Variants in STS observed in about 807,000 individuals in gnomAD.
STS encodes steroid sulfatase, also known as steryl-sulfatase.
A neutral mutation model predicts 26.8 loss-of-function variants in STS; 7 were observed. That is an observed-to-expected ratio of 0.26 (90% CI 0.15 to 0.49). STS has a LOEUF of 0.49. STS is among the 20% of genes least tolerant of loss of function. STS has a pLI of 0.98. For missense variants in STS, 434 were observed against 465.6 expected (o/e 0.93, Z 0.63); for synonymous variants, 199 against 189.4 (o/e 1.05, Z -0.42).
rs1385021843 is a variant in STS, at chrX:7,279,313, GTGTGTGTGTGTGTGTGTGTGTGTGTA to G, written c.943+3246_943+3271del. On this transcript the variant is annotated intron_variant, in intron 7 of 10. Coordinates refer to ENST00000674429, the MANE Select transcript of STS (RefSeq NM_001320752.2). Reference sequence around the variant, plus strand: ...AAAAAATATATATATATATATATATGTGTGTGTGTGTGTGTGTGTGTGTGTATGTGTGTGTGTGTGTGTGTATATGT... The same window carrying G: ...AAAAAATATATATATATATATATATGTGTGTGTGTGTGTGTGTGTATATGT... Among the ~76,000 whole-genome samples the G allele has an allele frequency of 1.5e-4, 5 of 34,400 alleles. No homozygotes were observed. In the East Asian group the frequency reaches 3.3e-3, roughly 23 times the overall value. The allele number at this position is 34,400 out of a possible 115,157, so 29.9% of individuals were successfully genotyped here.
At chrX:7,232,833 G>A (rs925453683) in intron 2 of STS, among the ~76,000 whole-genome samples, 4 of 111,692 alleles carry the variant, frequency 3.6e-5, no homozygotes, top group African/African-American at 1.3e-4. Flanking sequence ...GGAGGTGACC[G>A]GATCATGGGG....
chrX:7,297,666 T>C (rs1925733968), intron 7 of STS, among the ~76,000 whole-genome samples: 1 of 111,798 alleles, frequency 8.9e-6, no homozygotes, highest in Non-Finnish European at 1.9e-5. Flanking sequence ...AGATCTTGCA[T>C]TGGGTACGTC....
In STS at chrX:7,353,889, T is replaced by A. The variant is rs1393917702; in HGVS notation, c.*3628T>A. 3.6e-5 allele frequency: 4 copies of A among 111,666 alleles called. No homozygotes were observed. The highest frequency in any genetic ancestry group is 7.5e-5 in the Non-Finnish European group (4 of 53,133). The allele number at this position is 111,666 out of a possible 1,213,427, so 9.2% of individuals were successfully genotyped here. A position where few individuals can be genotyped will look rare whatever the true frequency, so the allele number is the denominator to read the frequency against. On this transcript the variant is annotated 3_prime_UTR_variant, in exon 11 of 11. Transcript: ENST00000674429. ...TCTCTTTAATGCCTAGAGAATGGGA[T>A]GTGTGATGCAAATGCTCAAAACCTC...
intron 7 of STS, among the ~76,000 whole-genome samples, chrX:7,286,390 G>A (rs1378596249): frequency 3.6e-5 from 4 of 111,169 alleles, no homozygotes; most frequent in South Asian, 3.8e-4. Flanking sequence ...ACCTCTGATC[G>A]TGTCATTGCA....
intron 6 of STS, among the ~76,000 whole-genome samples, chrX:7,266,330 G>C (rs1460733981): frequency 2.7e-5 from 3 of 112,024 alleles, no homozygotes; most frequent in Non-Finnish European, 5.6e-5. Context: ...TGAGATGCTA[G>C]CTTGCAATAT....
chrX:7,182,644 A>G (rs1010893659), intron 1 of STS, among the ~76,000 whole-genome samples: 4 of 111,063 alleles, frequency 3.6e-5, no homozygotes, highest in Admixed American at 9.7e-5. Flanking sequence ...GCTTTGAGGA[A>G]TGATAGAAAT....
At chrX:7,156,041 C>T (rs1933126698) in intron 1 of STS, among the ~76,000 whole-genome samples, 1 of 109,398 alleles carries the variant, frequency 9.1e-6, no homozygotes, top group African/African-American at 3.3e-5. Flanking sequence ...GTCCCAGCTA[C>T]TTGGGGGGAC....
chrX:7,338,782 T>C (rs768541905), intron 10 of STS, among the ~76,000 whole-genome samples: 1 of 112,578 alleles, frequency 8.9e-6, no homozygotes, highest in Non-Finnish European at 1.9e-5. Context: ...TCAATTAATG[T>C]TAACTGGTGA....
intron 7 of STS, among the ~76,000 whole-genome samples, chrX:7,281,712 A>G (rs1268929913): frequency 1.8e-5 from 2 of 112,165 alleles, no homozygotes; most frequent in Non-Finnish European, 3.8e-5. Context: ...AACCATAGGT[A>G]TTGGTCTAAG....
At chrX:7,185,665 T>A (rs150290371) in intron 1 of STS, among the ~76,000 whole-genome samples, 1,187 of 112,682 alleles carry the variant, frequency 0.011, 8 homozygotes, top group Middle Eastern at 0.064. Flanking sequence ...ACCTAAAACA[T>A]TTCATTTTTA....
At chrX:7,269,844 A>G (rs1275947648) in intron 6 of STS, among the ~76,000 whole-genome samples, 1 of 111,831 alleles carries the variant, frequency 8.9e-6, no homozygotes, top group Non-Finnish European at 1.9e-5. Flanking sequence ...AGGAATTCAC[A>G]GACATCCCTA....
At chrX:7,168,265 A>G (rs1469699908) in intron 1 of STS, among the ~76,000 whole-genome samples, 2 of 111,216 alleles carry the variant, frequency 1.8e-5, no homozygotes, top group African/African-American at 6.6e-5. Flanking sequence ...ATGTAGGGAA[A>G]AATGTGTTCT....
At position 7,325,424 on chromosome X, in the gene STS, T is replaced by C. The variant is rs1178719102; in HGVS notation, c.1167T>C (p.Ile389=). 1 of 1,209,474 alleles carries C rather than the reference T, an allele frequency of 8.3e-7. No individual in the cohort carries two copies. The highest frequency in any genetic ancestry group is 2.2e-5 in the Admixed American group (1 of 45,684). The change falls in exon 9 of 11, where the codon ATT becomes ATC. Residue 389 remains isoleucine, a synonymous_variant. Transcript: ENST00000674429. ...WPRVIQAGQK[I]DEPTSNMDIF... ...GGGTGATACAGGCTGGCCAGAAGATTGATGAGCCCACTAGCAACATGGACA... is the reference window on the plus strand; with the variant it reads ...GGGTGATACAGGCTGGCCAGAAGATCGATGAGCCCACTAGCAACATGGACA...
chrX:7,155,038 G>A lies in STS; in HGVS notation c.-134+6955G>A, dbSNP rs774916879. Among the ~76,000 whole-genome samples the A allele has an allele frequency of 8.0e-5, 9 of 112,109 alleles. No homozygotes were observed. In the South Asian group the frequency reaches 3.4e-3, roughly 42 times the overall value. On this transcript the variant is annotated intron_variant, in intron 1 of 10. Coordinates refer to ENST00000674429, the MANE Select transcript of STS (RefSeq NM_001320752.2). ...GAGGGAACAGAAAGCTGGTTGCACA[G>A]CCTCTCCCTTCAGCTTCCCCATGAT... is the stretch of plus-strand genomic sequence containing the variant.
intron 2 of STS, among the ~76,000 whole-genome samples, chrX:7,215,015 T>C (rs1326906930): frequency 4.1e-5 from 3 of 72,636 alleles, no homozygotes; most frequent in East Asian, 8.2e-4. Context: ...TATACGTATA[T>C]ATATATATTA....
intron 1 of STS, among the ~76,000 whole-genome samples, chrX:7,150,737 G>T (rs1265380931): frequency 9.2e-6 from 1 of 108,320 alleles, no homozygotes; most frequent in African/African-American, 3.4e-5. Context: ...ACTCCTCTTT[G>T]CTTAAAAAAA....
intron 2 of STS, among the ~76,000 whole-genome samples, chrX:7,242,027 C>A (rs887640639): frequency 9.0e-6 from 1 of 111,216 alleles, no homozygotes; most frequent in Non-Finnish European, 1.9e-5. Context: ...AGCCAGCAAG[C>A]GATAGAGTTT....
intron 8 of STS, among the ~76,000 whole-genome samples, chrX:7,324,768 G>C (rs759988449): frequency 5.4e-5 from 6 of 111,657 alleles, no homozygotes; most frequent in East Asian, 2.8e-4. Flanking sequence ...CTGAGAGGAG[G>C]TGTCTATTCT....
At chrX:7,288,372 A>G (rs1243984230) in intron 7 of STS, among the ~76,000 whole-genome samples, 1 of 109,851 alleles carries the variant, frequency 9.1e-6, no homozygotes, top group Non-Finnish European at 1.9e-5. Context: ...ATGCTTTCAG[A>G]TTTGGGAATA....
Sources: allele counts gnomAD v4.1 joint callset (sites outside exome capture counted in the v4.1 genomes callset), GRCh38; gene constraint gnomAD v4.1.1; transcripts MANE v1.5; gene names NCBI Gene and HGNC (gene_info 2026-07-23, HGNC 2026-07-21).